The following RASSF8 variants were observed in gnomAD, a reference collection of about 807,000 sequenced individuals.
The protein encoded by RASSF8 is ras association domain-containing protein 8.
Under a neutral mutation model 48.5 loss-of-function variants are expected in RASSF8, and 22 were observed. That is an observed-to-expected ratio of 0.45 (90% CI 0.32 to 0.65). The LOEUF (loss-of-function observed/expected upper bound fraction) is 0.65, where lower values mean the gene tolerates loss of function less well. RASSF8 is among the 30% of genes least tolerant of loss of function. The pLI is 0.03. For synonymous variants in RASSF8, 127 were observed against 171.5 expected (o/e 0.74, Z 2.03); for missense variants, 418 against 489.2 (o/e 0.85, Z 1.37).
In RASSF8 at chr12:26,014,922, C is replaced by T. The variant is rs115803920; in HGVS notation, c.-109+19792C>T. ...AGCATTAAAAAAAAAATATTCCATA[C>T]AGGCTGGGCATGGTGGCTCACGCCT... On this transcript the variant is annotated intron_variant, in intron 2 of 5. Coordinates refer to ENST00000689635, the MANE Select transcript of RASSF8 (RefSeq NM_001394098.1). 5.4e-3 allele frequency among the ~76,000 whole-genome samples: 826 copies of T among 151,744 alleles called. 9 individuals carry two copies. The highest frequency in any genetic ancestry group is 0.019 in the African/African-American group (786 of 41,274).
intron 3 of RASSF8, among the ~76,000 whole-genome samples, chr12:26,059,826 G>T (rs1260813929): frequency 6.6e-6 from 1 of 152,152 alleles, no homozygotes; most frequent in Non-Finnish European, 1.5e-5. Context: ...CTTCTGGTTT[G>T]TAGTGTTTTC....
At position 26,014,452 on chromosome 12, in the gene RASSF8, G is replaced by A. The variant is rs546506125; in HGVS notation, c.-109+19322G>A. On this transcript the variant is annotated intron_variant, in intron 2 of 5. Transcript: ENST00000689635. ...AATAATAAATACGATAAATTATTGCGGTGTTTTATAGGAAGAACAGACACA... is the reference window on the plus strand; with the variant it reads ...AATAATAAATACGATAAATTATTGCAGTGTTTTATAGGAAGAACAGACACA... Among the ~76,000 whole-genome samples the A allele has an allele frequency of 1.2e-4, 18 of 152,168 alleles. No homozygotes were observed. The South Asian group carries it at 2.7e-3, about 23-fold the overall frequency.
At chr12:26,041,352 T>G (rs1036178400) in intron 2 of RASSF8, among the ~76,000 whole-genome samples, 10 of 152,194 alleles carry the variant, frequency 6.6e-5, no homozygotes, top group African/African-American at 2.4e-4. Context: ...TCTGTACTAT[T>G]TTGCTTCTTC....
At chr12:26,004,470 A>T (rs939336139) in intron 2 of RASSF8, among the ~76,000 whole-genome samples, 3 of 152,192 alleles carry the variant, frequency 2.0e-5, no homozygotes, top group African/African-American at 7.2e-5. Flanking sequence ...AACTCTGCAT[A>T]TAACTCTTGA....
intron 1 of RASSF8, among the ~76,000 whole-genome samples, chr12:25,972,254 A>G (rs1182650528): frequency 1.8e-4 from 27 of 152,188 alleles, no homozygotes. Flanking sequence ...TACTGACCAT[A>G]TTCAGGAGAC....
rs139890331 is a variant in RASSF8, at chr12:26,034,012, G to T, written c.-108-21224G>T. Among the ~76,000 whole-genome samples the T allele has an allele frequency of 2.7e-3, 415 of 152,202 alleles. 4 individuals are homozygous for T. The highest frequency in any genetic ancestry group is 3.5e-3 in the Non-Finnish European group (240 of 68,002). The stretch of plus-strand genomic sequence containing the variant: ...GGTGCCTTCTCCCCACCACCATCAT[G>T]TCGACCAGACCCCAGCAAGCTAGCA... On this transcript the variant is annotated intron_variant, in intron 2 of 5. Coordinates refer to ENST00000689635, the MANE Select transcript of RASSF8 (RefSeq NM_001394098.1).
intron 1 of RASSF8, among the ~76,000 whole-genome samples, chr12:25,984,088 G>T (rs1941810673): frequency 6.6e-6 from 1 of 152,046 alleles, no homozygotes; most frequent in Non-Finnish European, 1.5e-5. Context: ...TGGAGATAGG[G>T]TCTGGCCCAG....
intron 3 of RASSF8, among the ~76,000 whole-genome samples, chr12:26,061,128 A>G (rs1339977872): frequency 6.6e-6 from 1 of 152,158 alleles, no homozygotes; most frequent in Non-Finnish European, 1.5e-5. Context: ...TAACTTTTAA[A>G]TCATGATTTT....
chr12:26,009,060 G>T (rs921095370), intron 2 of RASSF8, among the ~76,000 whole-genome samples: 1 of 152,152 alleles, frequency 6.6e-6, no homozygotes, highest in Admixed American at 6.5e-5. Flanking sequence ...ATGGATTTCT[G>T]TAGCAGCATT....
At chr12:25,991,976 C>A (rs754965177) in intron 1 of RASSF8, among the ~76,000 whole-genome samples, 1 of 152,194 alleles carries the variant, frequency 6.6e-6, no homozygotes, top group Non-Finnish European at 1.5e-5. Context: ...TTATCCTCTC[C>A]TTTTCCCCAT....
chr12:25,969,061 G>A (rs911713527), intron 1 of RASSF8, among the ~76,000 whole-genome samples: 2 of 152,230 alleles, frequency 1.3e-5, no homozygotes, highest in Non-Finnish European at 2.9e-5. Flanking sequence ...GCCACCATGC[G>A]GGTAAGGCTG....
intron 1 of RASSF8, among the ~76,000 whole-genome samples, chr12:25,961,110 CCTGA>C (rs1941223209): frequency 6.6e-6 from 1 of 152,110 alleles, no homozygotes; most frequent in African/African-American, 2.4e-5. Flanking sequence ...CAGTTTTTGA[CCTGA>C]CTGCCTTGTG....
intron 1 of RASSF8, among the ~76,000 whole-genome samples, chr12:25,976,759 GC>G (rs1308705363): frequency 6.6e-6 from 1 of 151,966 alleles, no homozygotes; most frequent in Non-Finnish European, 1.5e-5. Flanking sequence ...TTTTCAAAAT[GC>G]CAAGAACCTG....
intron 2 of RASSF8, among the ~76,000 whole-genome samples, chr12:26,013,179 C>T (rs989246134): frequency 1.3e-5 from 2 of 152,180 alleles, no homozygotes; most frequent in African/African-American, 4.8e-5. Flanking sequence ...CCTGTATTCT[C>T]GCTGTGTGGT....
chr12:26,060,625 A>G (rs1943722004), intron 3 of RASSF8, among the ~76,000 whole-genome samples: 1 of 152,240 alleles, frequency 6.6e-6, no homozygotes, highest in Admixed American at 6.5e-5. Flanking sequence ...TGTTACAGAG[A>G]TCAACGCTTA....
chr12:26,074,660 A>G (rs1017127246), downstream of RASSF8, among the ~76,000 whole-genome samples: 1 of 152,078 alleles, frequency 6.6e-6, no homozygotes, highest in African/African-American at 2.4e-5. Flanking sequence ...AGTCTTGATG[A>G]TAGAGATGAC....
intron 2 of RASSF8, among the ~76,000 whole-genome samples, chr12:26,040,412 C>T (rs965613266): frequency 2.6e-5 from 4 of 151,938 alleles, no homozygotes; most frequent in Non-Finnish European, 4.4e-5. Context: ...TAATAGTGGC[C>T]GAGGGGAGTG....
At chr12:26,074,510 ATT>A (rs79590266), downstream of RASSF8, among the ~76,000 whole-genome samples, 10 of 144,686 alleles carry the variant, frequency 6.9e-5, no homozygotes, top group South Asian at 4.4e-4. Context: ...GCCCAGCCAA[ATT>A]TTTTTTTTTT....
rs970249079 is a variant in RASSF8 at position 26,070,608 on chromosome 12, T to C, written c.*1790T>C. ...TAGTTATTTTCTATCTACCTATATT[T>C]AAAATTAGGATGATTAAAAAATAAT... is the stretch of plus-strand genomic sequence containing the variant. On this transcript the variant is annotated 3_prime_UTR_variant, in exon 6 of 6. Coordinates refer to ENST00000689635, the MANE Select transcript of RASSF8 (RefSeq NM_001394098.1). The C allele has an allele frequency of 4.4e-5, 42 of 959,042 alleles. No individual in the cohort carries two copies. Among genetic ancestry groups the C allele is most frequent in the Non-Finnish European group, 5.2e-5 (42 of 806,016 alleles). The allele number at this position is 959,042 out of a possible 1,614,324, so 59.4% of individuals were successfully genotyped here. A position where few individuals can be genotyped will look rare whatever the true frequency, so the allele number is the denominator to read the frequency against.
Sources: allele counts gnomAD v4.1 joint callset (sites outside exome capture counted in the v4.1 genomes callset), GRCh38; gene constraint gnomAD v4.1.1; transcripts MANE v1.5; gene names NCBI Gene and HGNC (gene_info 2026-07-23, HGNC 2026-07-21).